Variants in LRRTM4 observed in about 807,000 individuals in gnomAD.
LRRTM4 encodes the protein leucine-rich repeat transmembrane neuronal protein 4.
A neutral mutation model predicts 47.6 loss-of-function variants in LRRTM4; 25 were observed. The ratio of observed to expected loss-of-function variants is 0.53; its 90% CI spans 0.38 to 0.73. LRRTM4 has a LOEUF of 0.73. LRRTM4 is among the 30% of genes least tolerant of loss of function. LRRTM4 has a pLI of 0.00. For missense variants in LRRTM4, 638 were observed against 713.4 expected (o/e 0.89, Z 1.20); for synonymous variants, 311 against 269.5 (o/e 1.15, Z -1.51).
intron 3 of LRRTM4, among the ~76,000 whole-genome samples, chr2:77,289,233 T>G (rs1341901229): frequency 6.6e-6 from 1 of 151,508 alleles, no homozygotes; most frequent in East Asian, 1.9e-4. Flanking sequence ...TCCTTTTTTT[T>G]GTTACAACAA....
At chr2:77,148,787 G>T (rs1053408781) in intron 3 of LRRTM4, among the ~76,000 whole-genome samples, 1 of 152,100 alleles carries the variant, frequency 6.6e-6, no homozygotes, top group Admixed American at 6.6e-5. Flanking sequence ...AGGATTGTGT[G>T]TATTTATAAT....
In LRRTM4 at chr2:77,266,253, G is replaced by C. The variant is rs115442331; in HGVS notation, c.1551+252065C>G. On this transcript the variant is annotated intron_variant, in intron 3 of 3. Coordinates refer to ENST00000409884, the MANE Select transcript of LRRTM4 (RefSeq NM_001134745.3). ...ACTCTTTAAAACATGACAGTAGAGA[G>C]ACACAATAAAGGAGTATTATTCAGA... Among the ~76,000 whole-genome samples, 4 of 152,230 alleles carry C rather than the reference G, an allele frequency of 2.6e-5. No homozygotes were observed. In the East Asian group the frequency reaches 7.7e-4, roughly 29 times the overall value.
At chr2:76,987,869 T>G (rs925626044) in intron 3 of LRRTM4, among the ~76,000 whole-genome samples, 2 of 151,830 alleles carry the variant, frequency 1.3e-5, no homozygotes, top group Non-Finnish European at 2.9e-5. Context: ...CCAGGAAATA[T>G]AGTCACCCAT....
At chr2:76,801,624 C>A (rs1375584425) in intron 3 of LRRTM4, among the ~76,000 whole-genome samples, 3 of 151,848 alleles carry the variant, frequency 2.0e-5, no homozygotes, top group African/African-American at 7.3e-5. Context: ...TGTGACTAAC[C>A]TGCACAATGT....
At chr2:77,348,002 CA>C (rs1483187709) in intron 3 of LRRTM4, among the ~76,000 whole-genome samples, 1 of 148,594 alleles carries the variant, frequency 6.7e-6, no homozygotes, top group Non-Finnish European at 1.5e-5. Flanking sequence ...TGAAAAAAAC[CA>C]AACAATTAAC....
In LRRTM4 at chr2:77,156,197, TAA is replaced by T. The variant is rs545352240; in HGVS notation, c.1551+362119_1551+362120del. 2.6e-3 allele frequency among the ~76,000 whole-genome samples: 393 copies of T among 151,806 alleles called. 1 individual carries two copies. The highest frequency in any genetic ancestry group is 6.8e-3 in the Middle Eastern group (2 of 294). ...TAATTTATAAACACCATGAAAACTC[TAA>T]GAGAGAGTATATTTACTATTTAGCA... On this transcript the variant is annotated intron_variant, in intron 3 of 3. Transcript: ENST00000409884.
intron 3 of LRRTM4, among the ~76,000 whole-genome samples, chr2:76,932,733 T>C (rs1553432890): frequency 6.6e-6 from 1 of 152,036 alleles, no homozygotes; most frequent in Non-Finnish European, 1.5e-5. Context: ...TAGACACACA[T>C]GTGTTCTCTC....
chr2:77,039,466 G>A (rs1375945701), intron 3 of LRRTM4, among the ~76,000 whole-genome samples: 3 of 150,950 alleles, frequency 2.0e-5, no homozygotes, highest in African/African-American at 7.3e-5. Context: ...TTACTAATCT[G>A]TCATCATAAA....
intron 3 of LRRTM4, among the ~76,000 whole-genome samples, chr2:77,492,973 A>T (rs898306691): frequency 2.6e-5 from 4 of 152,180 alleles, no homozygotes; most frequent in Admixed American, 2.0e-4. Context: ...AAAATTAGAA[A>T]TTAATTAGAA....
At chr2:77,477,951 GA>G (rs1218758457) in intron 3 of LRRTM4, among the ~76,000 whole-genome samples, 2 of 113,896 alleles carry the variant, frequency 1.8e-5, no homozygotes, top group South Asian at 3.0e-4. Flanking sequence ...AAGAAAGAAA[GA>G]AAGAAAGAAA....
In LRRTM4 at chr2:77,357,936, G is replaced by A. The variant is rs185549124; in HGVS notation, c.1551+160382C>T. ...TTATTTCCTCCCTGAACTTTTCTAT[G>A]TTCATGAATAATGTGTTTAAATATA... On this transcript the variant is annotated intron_variant, in intron 3 of 3. Coordinates refer to ENST00000409884, the MANE Select transcript of LRRTM4 (RefSeq NM_001134745.3). 1.7e-4 allele frequency among the ~76,000 whole-genome samples: 26 copies of A among 152,076 alleles called. No individual in the cohort carries two copies. The East Asian group carries it at 5.0e-3, about 29-fold the overall frequency.
intron 3 of LRRTM4, among the ~76,000 whole-genome samples, chr2:77,369,941 CATT>C (rs2103766460): frequency 6.6e-6 from 1 of 151,894 alleles, no homozygotes; most frequent in Admixed American, 6.6e-5. Context: ...TGCAGTTCAT[CATT>C]GACTGAAAAG....
intron 3 of LRRTM4, among the ~76,000 whole-genome samples, chr2:77,407,449 C>T (rs547233918): frequency 1.1e-4 from 16 of 150,318 alleles, no homozygotes; most frequent in East Asian, 9.8e-4. Flanking sequence ...TAGTTTTGAG[C>T]GCAGGTTTTG....
intron 3 of LRRTM4, among the ~76,000 whole-genome samples, chr2:77,405,932 C>T (rs573964217): frequency 3.0e-4 from 45 of 152,250 alleles, no homozygotes; most frequent in African/African-American, 1.1e-3. Context: ...TCACACTAAA[C>T]AATGAGCTTC....
chr2:76,865,096 G>T (rs559397572), intron 3 of LRRTM4, among the ~76,000 whole-genome samples: 1 of 152,098 alleles, frequency 6.6e-6, no homozygotes, highest in East Asian at 1.9e-4. Context: ...TGTCTGGGTT[G>T]GTTGTCTGAT....
rs374485934 is a variant in LRRTM4 at position 77,108,180 on chromosome 2, AT to A, written c.1552-359265del. On this transcript the variant is annotated intron_variant, in intron 3 of 3. Coordinates refer to ENST00000409884, the MANE Select transcript of LRRTM4 (RefSeq NM_001134745.3). ...AATTACTGAATGCAAGAGCTCAGAT[AT>A]TGCAAAGGCCACAAAATATACCATC... Among the ~76,000 whole-genome samples the A allele has an allele frequency of 9.6e-3, 1,463 of 152,288 alleles. 30 individuals are homozygous for A. Among genetic ancestry groups the A allele is most frequent in the African/African-American group, 0.034 (1,399 of 41,566 alleles).
At chr2:77,133,810 T>C (rs942933340) in intron 3 of LRRTM4, among the ~76,000 whole-genome samples, 1 of 152,142 alleles carries the variant, frequency 6.6e-6, no homozygotes, top group Non-Finnish European at 1.5e-5. Flanking sequence ...CAGGCATGAG[T>C]TTCCGCAGTC....
At chr2:77,089,670 C>T (rs1027914521) in intron 3 of LRRTM4, among the ~76,000 whole-genome samples, 1 of 152,062 alleles carries the variant, frequency 6.6e-6, no homozygotes, top group Non-Finnish European at 1.5e-5. Context: ...CTTCTACTCC[C>T]CTGGCCTGTG....
At chr2:77,362,170 A>AAAGGAAGAAAGAAAGGAAGGAAGGAAGG in intron 3 of LRRTM4, among the ~76,000 whole-genome samples, 1 of 133,544 alleles carries the variant, frequency 7.5e-6, no homozygotes, top group South Asian at 2.4e-4. Flanking sequence ...AGAAAGAAAG[A>AAAGGAAGAAAGAAAGGAAGGAAGGAAGG]AAGGAAGGAA....
Sources: allele counts gnomAD v4.1 joint callset (sites outside exome capture counted in the v4.1 genomes callset), GRCh38; gene constraint gnomAD v4.1.1; transcripts MANE v1.5; gene names NCBI Gene and HGNC (gene_info 2026-07-23, HGNC 2026-07-21).